Variants in ALKBH8 observed in about 807,000 individuals in gnomAD.
ALKBH8 encodes alkB homolog 8, tRNA methyltransferase, also known as tRNA (carboxymethyluridine(34)-5-O)-methyltransferase ALKBH8.
ALKBH8 carries 36 observed loss-of-function variants against 59.8 expected under a neutral mutation model. The ratio of observed to expected loss-of-function variants is 0.60; its 90% confidence interval spans 0.46 to 0.79. The LOEUF (loss-of-function observed/expected upper bound fraction) is 0.79. ALKBH8 is among the 30% of genes least tolerant of loss of function. ALKBH8 has a pLI of 0.00. For missense variants in ALKBH8, 768 were observed against 801.0 expected, an observed-to-expected ratio of 0.96 and a Z score of 0.50; for synonymous variants, 276 against 273.6, an observed-to-expected ratio of 1.01 and a Z score of -0.09.
rs147325659 is a variant in ALKBH8, at chr11:107,509,888, C to G, written c.1437+999G>C. On this transcript the variant is annotated intron_variant, in intron 11 of 11. Transcript: ENST00000428149. ...TTGTGTACATTATTGTCTTTTATAA[C>G]TTGAAAATAAGTTATAATACAACAA... Among the ~76,000 whole-genome samples, 672 of 152,226 alleles carry G rather than the reference C, an allele frequency of 4.4e-3. 3 individuals carry two copies. Among genetic ancestry groups the G allele is most frequent in the African/African-American group, 0.014 (601 of 41,540 alleles).
intron 10 of ALKBH8, among the ~76,000 whole-genome samples, chr11:107,515,376 G>C (rs1181983222): frequency 6.6e-6 from 1 of 151,922 alleles, no homozygotes; most frequent in East Asian, 1.9e-4. Flanking sequence ...TTTTTTTGGA[G>C]ACAGGGTCTC....
intron 7 of ALKBH8, among the ~76,000 whole-genome samples, chr11:107,540,871 T>C (rs887071575): frequency 2.6e-5 from 4 of 152,260 alleles, no homozygotes; most frequent in African/African-American, 9.6e-5. Flanking sequence ...TAGTAAATTA[T>C]ATTCAACAAA....
At chr11:107,522,662 C>G in intron 9 of ALKBH8, 107 bp from the exon 10 acceptor site, 1 of 1,272,878 alleles carries the variant, frequency 7.9e-7, no homozygotes, top group African/African-American at 1.5e-5. Context: ...GGTGGGTAGA[C>G]AGACTCTGAT....
At chr11:107,511,852 G>A (rs7130371) in intron 10 of ALKBH8, among the ~76,000 whole-genome samples, 18,176 of 151,796 alleles carry the variant, frequency 0.12, 1,294 homozygotes, top group Admixed American at 0.21. Flanking sequence ...CTGGGATTAC[G>A]GGTGTTAGCC....
rs1862303776 is a variant in ALKBH8, at chr11:107,504,718, G to A, written c.1935C>T (p.Val645=). The change falls in exon 12 of 12, where the codon GTC becomes GTT. Residue 645 remains valine, a synonymous_variant. Coordinates refer to ENST00000428149, the MANE Select transcript of ALKBH8 (RefSeq NM_138775.3). ...GATCGTAGTAGCTTTGCAGAATTCTGACATCACTCACAGTCCTGCAGGCAC... is the reference window on the plus strand; with the variant it reads ...GATCGTAGTAGCTTTGCAGAATTCTAACATCACTCACAGTCCTGCAGGCAC... The part of the protein sequence containing the change: ...LEGACRTVSD[V]RILQSYYDQG... 3 of 1,551,302 alleles carry A rather than the reference G, an allele frequency of 1.9e-6. No individual in the cohort carries two copies. Among genetic ancestry groups the A allele is most frequent in the Non-Finnish European group, 2.6e-6 (3 of 1,146,858 alleles).
intron 1 of ALKBH8, among the ~76,000 whole-genome samples, chr11:107,561,644 C>T (rs1227188912): frequency 6.6e-6 from 1 of 152,266 alleles, no homozygotes; most frequent in East Asian, 1.9e-4. Flanking sequence ...CAATATCATG[C>T]TTTATCACAC....
At chr11:107,544,323 G>A (rs1422213250) in intron 7 of ALKBH8, among the ~76,000 whole-genome samples, 2 of 152,148 alleles carry the variant, frequency 1.3e-5, no homozygotes, top group Non-Finnish European at 2.9e-5. Context: ...ATACTTCTTT[G>A]ACATTATCCT....
intron 7 of ALKBH8, among the ~76,000 whole-genome samples, chr11:107,548,577 T>C (rs1056136243): frequency 1.3e-5 from 2 of 152,182 alleles, no homozygotes; most frequent in Non-Finnish European, 1.5e-5. Flanking sequence ...TTAAAGCACC[T>C]GTATTAAGAA....
In ALKBH8 at chr11:107,560,867, G is replaced by T; in HGVS notation, c.27C>A (p.Tyr9Ter). Residue 9 changes from tyrosine to a stop codon, truncating the protein, a stop_gained, in exon 2 of 12, where the codon TAC becomes TAA. Coordinates refer to ENST00000428149, the MANE Select transcript of ALKBH8 (RefSeq NM_138775.3). LOFTEE classifies it high-confidence loss of function. ...ACTTCTTCTCAGTTTTACTGAGTTTGTAATTACTTTGATGGTTGCTGTCCA... is the reference window on the plus strand; with the variant it reads ...ACTTCTTCTCAGTTTTACTGAGTTTTTAATTACTTTGATGGTTGCTGTCCA... MDSNHQSNYKLSKTEKKFL... is the reference protein window; with the variant it reads MDSNHQSN 1 of 1,612,336 alleles carries T rather than the reference G, an allele frequency of 6.2e-7. No homozygotes were observed. Among genetic ancestry groups the T allele is most frequent in the Non-Finnish European group, 8.5e-7 (1 of 1,179,198 alleles).
intron 1 of ALKBH8, 103 bp from the exon 2 acceptor site, chr11:107,561,002 A>G (rs1383328894): frequency 1.8e-6 from 2 of 1,103,906 alleles, no homozygotes; most frequent in African/African-American, 1.6e-5. Context: ...TATTTCTGTG[A>G]CAATTTTTTA....
chr11:107,507,545 C>T (rs1276703166), intron 11 of ALKBH8, among the ~76,000 whole-genome samples: 1 of 152,082 alleles, frequency 6.6e-6, no homozygotes, highest in Non-Finnish European at 1.5e-5. Context: ...TTTCTGAGCT[C>T]TTATTATGTA....
intron 7 of ALKBH8, among the ~76,000 whole-genome samples, chr11:107,538,740 T>C (rs1001021182): frequency 6.6e-6 from 1 of 152,206 alleles, no homozygotes; most frequent in Non-Finnish European, 1.5e-5. Context: ...CAGATCTCCA[T>C]GTTGGCTAAA....
Position 107,504,799 on chromosome 11 carries a change from G to A in ALKBH8, c.1854C>T (p.Asp618=). 1 of 1,551,880 alleles carries A rather than the reference G, an allele frequency of 6.4e-7. No individual in the cohort carries two copies. Among genetic ancestry groups the A allele is most frequent in the Non-Finnish European group, 8.7e-7 (1 of 1,147,012 alleles). Residue 618 remains aspartate (D), a synonymous_variant, in exon 12 of 12, where the codon GAC becomes GAT. Transcript: ENST00000428149. ...AGTAACGATGAAACACAGGACTTGG[G>A]TCCTGGGATCCTATGGGACCAAATG... ...VEPFGPIGSQ[D]PSPVFHRYYH...
At chr11:107,525,307 G>A (rs1863302760) in intron 9 of ALKBH8, 134 bp downstream of exon 9, 1 of 712,014 alleles carries the variant, frequency 1.4e-6, no homozygotes, top group South Asian at 3.4e-5. Flanking sequence ...GCATGAAAGT[G>A]CAATACAAGG....
At chr11:107,536,641 G>A (rs1055710965) in intron 7 of ALKBH8, among the ~76,000 whole-genome samples, 2 of 152,304 alleles carry the variant, frequency 1.3e-5, no homozygotes, top group East Asian at 1.9e-4. Context: ...TCTCACTGCT[G>A]AGGGAACCCT....
At chr11:107,544,815 CCACACACACACACACACACACACA>C (rs5794557) in intron 7 of ALKBH8, among the ~76,000 whole-genome samples, 1 of 138,452 alleles carries the variant, frequency 7.2e-6, no homozygotes, top group African/African-American at 2.7e-5. Context: ...TAGATACAAA[CCACACACACACACACACACACACA>C]CACACACACA....
At chr11:107,564,590 C>T (rs1865058084) in intron 1 of ALKBH8, among the ~76,000 whole-genome samples, 1 of 152,132 alleles carries the variant, frequency 6.6e-6, no homozygotes. Flanking sequence ...GAGCTTTCTT[C>T]TTTCATGACT....
chr11:107,539,593 C>CA (rs1863956862), intron 7 of ALKBH8, among the ~76,000 whole-genome samples: 1 of 114,792 alleles, frequency 8.7e-6, no homozygotes, highest in Non-Finnish European at 2.1e-5. Context: ...AGCGAGAATC[C>CA]ACCAAAAAAA....
At chr11:107,533,953 A>T (rs1863703001) in intron 7 of ALKBH8, among the ~76,000 whole-genome samples, 1 of 152,002 alleles carries the variant, frequency 6.6e-6, no homozygotes, top group South Asian at 2.1e-4. Context: ...ACATGGAGAA[A>T]CCCTGTCTCT....
Sources: allele counts gnomAD v4.1 joint callset (sites outside exome capture counted in the v4.1 genomes callset), GRCh38; gene constraint gnomAD v4.1.1; transcripts MANE v1.5; gene names NCBI Gene and HGNC (gene_info 2026-07-23, HGNC 2026-07-21).